MNAT1: variants seen among roughly 807,000 people sequenced by gnomAD.
The protein encoded by MNAT1 is CDK-activating kinase assembly factor MAT1.
Under a neutral mutation model 42.0 loss-of-function variants are expected in MNAT1, and 43 were observed. That is an observed-to-expected ratio of 1.02 (90% CI 0.80 to 1.32). The LOEUF (loss-of-function observed/expected upper bound fraction) is 1.32, where lower values mean the gene tolerates loss of function less well. Ranked by LOEUF, MNAT1 falls within the 40% of genes most tolerant of loss-of-function variation. MNAT1 has a pLI of 0.00. For synonymous variants in MNAT1, 118 were observed against 120.0 expected (o/e 0.98, Z 0.11); for missense variants, 306 against 350.4 (o/e 0.87, Z 1.01).
At chr14:60,739,955 A>T (rs1257747203) in intron 1 of MNAT1, among the ~76,000 whole-genome samples, 1 of 152,182 alleles carries the variant, frequency 6.6e-6, no homozygotes, top group African/African-American at 2.4e-5. Flanking sequence ...GGAGTTCGAG[A>T]CCATCCTGGC....
chr14:60,952,910 G>A (rs1012028751), intron 7 of MNAT1, among the ~76,000 whole-genome samples: 2 of 152,062 alleles, frequency 1.3e-5, no homozygotes, highest in Non-Finnish European at 1.5e-5. Context: ...AGAATTGTGG[G>A]GAATGATATG....
chr14:60,960,388 C>T (rs1044539113), intron 7 of MNAT1, among the ~76,000 whole-genome samples: 5 of 152,186 alleles, frequency 3.3e-5, no homozygotes, highest in African/African-American at 9.7e-5. Context: ...CCTCTTTTCT[C>T]GTTCTATCCC....
intron 7 of MNAT1, among the ~76,000 whole-genome samples, chr14:60,933,980 T>C (rs2035940758): frequency 6.6e-6 from 1 of 152,104 alleles, no homozygotes; most frequent in Non-Finnish European, 1.5e-5. Context: ...GATTATAAAG[T>C]GGAATGGATG....
At chr14:60,906,286 T>C (rs2035196746) in intron 7 of MNAT1, among the ~76,000 whole-genome samples, 1 of 152,214 alleles carries the variant, frequency 6.6e-6, no homozygotes, top group African/African-American at 2.4e-5. Flanking sequence ...CAGGTCTTTA[T>C]AGACCATGGT....
At chr14:60,745,789 G>A (rs1896595274) in intron 1 of MNAT1, among the ~76,000 whole-genome samples, 1 of 152,050 alleles carries the variant, frequency 6.6e-6, no homozygotes, top group Non-Finnish European at 1.5e-5. Flanking sequence ...CTTTTTTGTT[G>A]TATAGTTCTG....
intron 7 of MNAT1, among the ~76,000 whole-genome samples, chr14:60,935,273 T>G (rs1166408953): frequency 6.6e-6 from 1 of 151,738 alleles, no homozygotes; most frequent in East Asian, 1.9e-4. Flanking sequence ...CCCTCTCTTT[T>G]TTTTCTTTCT....
chr14:60,773,389 C>T (rs1459747308), intron 1 of MNAT1, among the ~76,000 whole-genome samples: 5 of 151,982 alleles, frequency 3.3e-5, no homozygotes, highest in African/African-American at 1.2e-4. Flanking sequence ...GCTTGAGATA[C>T]CAATAATGAG....
At chr14:60,897,918 G>A (rs1324066621) in intron 7 of MNAT1, among the ~76,000 whole-genome samples, 1 of 151,832 alleles carries the variant, frequency 6.6e-6, no homozygotes, top group Non-Finnish European at 1.5e-5. Context: ...ACCCTTCCCA[G>A]CCTCTGCTAT....
chr14:60,904,883 C>T (rs993602329), intron 7 of MNAT1, among the ~76,000 whole-genome samples: 5 of 151,388 alleles, frequency 3.3e-5, no homozygotes, highest in African/African-American at 4.8e-5. Context: ...CAGTAGATCC[C>T]GTGGATCTTA....
intron 7 of MNAT1, among the ~76,000 whole-genome samples, chr14:60,905,328 A>G (rs1476956859): frequency 1.3e-5 from 2 of 152,192 alleles, no homozygotes; most frequent in African/African-American, 4.8e-5. Context: ...AAAACCAACA[A>G]TAACAGTACA....
At chr14:60,878,514 G>T (rs2034480834) in intron 6 of MNAT1, among the ~76,000 whole-genome samples, 1 of 152,132 alleles carries the variant, frequency 6.6e-6, no homozygotes, top group Non-Finnish European at 1.5e-5. Flanking sequence ...GAGCATTGTT[G>T]TGGTGGGGAA....
chr14:60,912,769 C>A (rs945788785), intron 7 of MNAT1, among the ~76,000 whole-genome samples: 33 of 152,184 alleles, frequency 2.2e-4, no homozygotes, highest in African/African-American at 7.7e-4. Context: ...CTTTTTCCTT[C>A]ATTTCAACTT....
Position 60,843,571 on chromosome 14 carries a change from C to T in MNAT1, c.687+24724C>T, listed in dbSNP as rs184237162. ...AGGCATGAGCCACTGCGTCCGGCCT[C>T]GTTTGCCTTTTTTATATCTCTTTTT... On this transcript the variant is annotated intron_variant, in intron 6 of 7. Transcript: ENST00000261245. 1.7e-3 allele frequency among the ~76,000 whole-genome samples: 256 copies of T among 152,180 alleles called. 1 individual carries two copies. Among genetic ancestry groups the T allele is most frequent in the African/African-American group, 5.4e-3 (226 of 41,524 alleles).
rs372388689 is a variant in MNAT1 at position 60,869,945 on chromosome 14, A to T, written c.688-9769A>T. Among the ~76,000 whole-genome samples the T allele has an allele frequency of 5.3e-5, 8 of 152,334 alleles. 1 individual carries two copies. Among genetic ancestry groups the T allele is most frequent in the Non-Finnish European group, 1.2e-4 (8 of 68,014 alleles). On this transcript the variant is annotated intron_variant, in intron 6 of 7. Transcript: ENST00000261245. ...CTTTATTTGGTGAGAAAGCATAATG[A>T]TAATATTTGTAGTGTATAGATTAAC...
At chr14:60,799,426 T>G in intron 3 of MNAT1, 1 of 982,726 alleles carries the variant, frequency 1.0e-6, no homozygotes, top group African/African-American at 1.7e-5. Context: ...AGATACTAAG[T>G]ATAGGACAAG....
At position 60,867,235 on chromosome 14, in the gene MNAT1, C is replaced by T. The variant is rs147831451; in HGVS notation, c.688-12479C>T. Among the ~76,000 whole-genome samples, 872 of 152,176 alleles carry T rather than the reference C, an allele frequency of 5.7e-3. 6 individuals are homozygous for T. The highest frequency in any genetic ancestry group is 0.02 in the African/African-American group (819 of 41,552). ...TCATGTGTATTTGAGTAGAACTGAA[C>T]GTTGCTGAAGAGCTAGAAAAATATG... On this transcript the variant is annotated intron_variant, in intron 6 of 7. Transcript: ENST00000261245.
intron 1 of MNAT1, among the ~76,000 whole-genome samples, chr14:60,756,500 A>G: frequency 6.6e-6 from 1 of 152,350 alleles, no homozygotes; most frequent in South Asian, 2.1e-4. Context: ...ATTTTAAAAA[A>G]TAGTATATTT....
At chr14:60,802,817 C>T (rs1370461999) in intron 3 of MNAT1, among the ~76,000 whole-genome samples, 1 of 151,720 alleles carries the variant, frequency 6.6e-6, no homozygotes, top group Non-Finnish European at 1.5e-5. Flanking sequence ...GAAGCGTTTG[C>T]AGAAATGAGA....
At chr14:60,800,934 G>T (rs991914638) in intron 3 of MNAT1, among the ~76,000 whole-genome samples, 11 of 152,050 alleles carry the variant, frequency 7.2e-5, no homozygotes, top group African/African-American at 2.7e-4. Context: ...TGTGGTATTT[G>T]CCCTCAATAA....
Sources: allele counts gnomAD v4.1 joint callset (sites outside exome capture counted in the v4.1 genomes callset), GRCh38; gene constraint gnomAD v4.1.1; transcripts MANE v1.5; gene names NCBI Gene and HGNC (gene_info 2026-07-23, HGNC 2026-07-21).